The following CDC73 variants were observed in gnomAD, a reference collection of about 807,000 sequenced individuals.
CDC73 encodes cell division cycle 73.
A neutral mutation model predicts 83.7 loss-of-function variants in CDC73; 21 were observed. The observed-to-expected ratio is 0.25, with a 90% CI of 0.18 to 0.36. CDC73 has a LOEUF of 0.36. Ranked by LOEUF, CDC73 falls within the 10% of genes least tolerant of loss-of-function variation. CDC73 has a pLI of 1.00. For missense variants in CDC73, 342 were observed against 653.3 expected, an observed-to-expected ratio of 0.52 and a Z score of 5.19; for synonymous variants, 224 against 212.9, an observed-to-expected ratio of 1.05 and a Z score of -0.45.
chr1:193,239,926 A>T (rs1051204515), intron 15 of CDC73, among the ~76,000 whole-genome samples: 3 of 152,168 alleles, frequency 2.0e-5, no homozygotes, highest in Admixed American at 6.5e-5. Flanking sequence ...GTTAGAAATT[A>T]AAAAAAGAAT....
intron 10 of CDC73, among the ~76,000 whole-genome samples, chr1:193,169,566 T>G (rs1299118626): frequency 6.6e-6 from 1 of 151,970 alleles, no homozygotes; most frequent in Non-Finnish European, 1.5e-5. Context: ...AAAAATAAAT[T>G]TGTAAGAATG....
At chr1:193,205,438 G>C (rs1004919587) in intron 11 of CDC73, among the ~76,000 whole-genome samples, 2 of 151,774 alleles carry the variant, frequency 1.3e-5, no homozygotes, top group African/African-American at 4.8e-5. Context: ...TGGTACATGG[G>C]GCTTATATTG....
intron 13 of CDC73, among the ~76,000 whole-genome samples, chr1:193,228,689 C>T (rs540476747): frequency 2.3e-4 from 35 of 152,212 alleles, no homozygotes; most frequent in African/African-American, 7.7e-4. Context: ...AGATTGTACA[C>T]ACAAACTTAA....
rs139123252 is a variant in CDC73 at position 193,191,303 on chromosome 1, T to C, written c.973-12492T>C. On this transcript the variant is annotated intron_variant, in intron 10 of 16. Coordinates refer to ENST00000367435, the MANE Select transcript of CDC73 (RefSeq NM_024529.5). The stretch of plus-strand genomic sequence containing the variant: ...GTTACATTCACTATGACTTTATGTA[T>C]AGGTATTAGCATCTGGTTAGTATAT... Among the ~76,000 whole-genome samples the C allele has an allele frequency of 2.0e-3, 310 of 152,352 alleles. 2 individuals are homozygous for C. Among genetic ancestry groups the C allele is most frequent in the African/African-American group, 7.0e-3 (290 of 41,582 alleles).
At chr1:193,214,900 A>G (rs1207638326) in intron 13 of CDC73, among the ~76,000 whole-genome samples, 1 of 152,188 alleles carries the variant, frequency 6.6e-6, no homozygotes, top group Non-Finnish European at 1.5e-5. Flanking sequence ...ATTGATGTGT[A>G]TATTGGGTTT....
At chr1:193,217,313 C>T (rs748580831) in intron 13 of CDC73, among the ~76,000 whole-genome samples, 10 of 152,042 alleles carry the variant, frequency 6.6e-5, no homozygotes, top group Non-Finnish European at 1.0e-4. Context: ...CAGCTCAGAC[C>T]CTCTACCTTA....
intron 11 of CDC73, among the ~76,000 whole-genome samples, chr1:193,205,094 C>G (rs1379718850): frequency 6.6e-6 from 1 of 151,352 alleles, no homozygotes; most frequent in African/African-American, 2.4e-5. Flanking sequence ...GATACCAACC[C>G]TGTATTTATT....
intron 7 of CDC73, among the ~76,000 whole-genome samples, chr1:193,147,446 C>T (rs2103130263): frequency 6.6e-6 from 1 of 150,662 alleles, no homozygotes; most frequent in East Asian, 1.9e-4. Context: ...TGGCTCACTG[C>T]AAACTCCGCC....
At chr1:193,182,780 T>C (rs191702925) in intron 10 of CDC73, among the ~76,000 whole-genome samples, 2 of 152,204 alleles carry the variant, frequency 1.3e-5, no homozygotes, top group East Asian at 3.9e-4. Flanking sequence ...TGTTTTTAGT[T>C]TTTGGGGACC....
chr1:193,122,528 A>C, intron 1 of CDC73, 197 bp downstream of exon 1: 1 of 604,890 alleles, frequency 1.7e-6, no homozygotes, highest in Non-Finnish European at 2.8e-6. Flanking sequence ...AGAGCAGTTC[A>C]TCACTTAAAA....
At chr1:193,181,061 T>C (rs1438768921) in intron 10 of CDC73, 1 of 1,613,922 alleles carries the variant, frequency 6.2e-7, no homozygotes, top group Non-Finnish European at 8.5e-7. Flanking sequence ...CGAATAGCTC[T>C]TCTAGCTTCT....
chr1:193,180,146 A>C (rs1225885384), intron 10 of CDC73: 1 of 688,166 alleles, frequency 1.5e-6, no homozygotes, highest in Non-Finnish European at 2.2e-6. Flanking sequence ...TTTAAGAATT[A>C]ACTTCTTCAG....
chr1:193,227,349 A>T (rs1334923287), intron 13 of CDC73, among the ~76,000 whole-genome samples: 3 of 152,054 alleles, frequency 2.0e-5, no homozygotes, highest in African/African-American at 4.8e-5. Flanking sequence ...ACTGTTGTCC[A>T]GGTCTGGCGT....
At chr1:193,165,770 T>C (rs1269265603) in intron 10 of CDC73, among the ~76,000 whole-genome samples, 1 of 152,212 alleles carries the variant, frequency 6.6e-6, no homozygotes, top group East Asian at 1.9e-4. Flanking sequence ...ATGCATAAAA[T>C]TGATCAAAAT....
intron 10 of CDC73, among the ~76,000 whole-genome samples, chr1:193,190,219 C>T (rs1403999232): frequency 6.6e-6 from 1 of 152,180 alleles, no homozygotes; most frequent in South Asian, 2.1e-4. Flanking sequence ...TGTCACTTGA[C>T]ACAATTATTT....
At chr1:193,166,750 G>T (rs1408615950) in intron 10 of CDC73, among the ~76,000 whole-genome samples, 1 of 151,340 alleles carries the variant, frequency 6.6e-6, no homozygotes, top group Non-Finnish European at 1.5e-5. Flanking sequence ...AGGTTCAAGC[G>T]ATTGTCCTGC....
intron 6 of CDC73, among the ~76,000 whole-genome samples, chr1:193,138,692 T>G (rs1572152825): frequency 6.6e-6 from 1 of 151,856 alleles, no homozygotes; most frequent in Admixed American, 6.6e-5. Context: ...CATTCTTTTC[T>G]TTTTTTTGGA....
At chr1:193,143,921 C>T (rs139796473) in intron 7 of CDC73, among the ~76,000 whole-genome samples, 202 of 152,006 alleles carry the variant, frequency 1.3e-3, no homozygotes, top group Non-Finnish European at 2.5e-3. Flanking sequence ...TCCAGCCTGG[C>T]CAACATGGTG....
At chr1:193,144,428 G>C (rs1675959767) in intron 7 of CDC73, among the ~76,000 whole-genome samples, 1 of 151,842 alleles carries the variant, frequency 6.6e-6, no homozygotes, top group Non-Finnish European at 1.5e-5. Flanking sequence ...AGTGAGATTT[G>C]CTTTTCATAT....
Sources: allele counts gnomAD v4.1 joint callset (sites outside exome capture counted in the v4.1 genomes callset), GRCh38; gene constraint gnomAD v4.1.1; transcripts MANE v1.5; gene names NCBI Gene and HGNC (gene_info 2026-07-23, HGNC 2026-07-21).